Variants in RNF128 observed in about 807,000 individuals in gnomAD.
RNF128 encodes the protein ring finger protein 128, also known as E3 ubiquitin-protein ligase RNF128.
RNF128 carries 13 observed loss-of-function variants against 26.2 expected under a neutral mutation model. That is an observed-to-expected ratio of 0.50 (90% CI 0.32 to 0.79). The LOEUF is 0.79. RNF128 is among the 30% of genes least tolerant of loss of function. The pLI, the probability that RNF128 is intolerant of heterozygous loss-of-function variation, is 0.03. For missense variants in RNF128, 315 were observed against 349.7 expected, an observed-to-expected ratio of 0.90 and a Z score of 0.79; for synonymous variants, 149 against 142.5, an observed-to-expected ratio of 1.05 and a Z score of -0.32.
intron 1 of RNF128, among the ~76,000 whole-genome samples, chrX:106,744,759 GAATA>G (rs748313304): frequency 2.7e-5 from 3 of 111,418 alleles, no homozygotes; most frequent in East Asian, 5.6e-4. Flanking sequence ...AAGCCCAGCC[GAATA>G]AATAAATAAA....
intron 1 of RNF128, among the ~76,000 whole-genome samples, chrX:106,752,730 A>G (rs1279929476): frequency 8.9e-6 from 1 of 111,807 alleles, no homozygotes; most frequent in East Asian, 2.8e-4. Context: ...CCAGTGACCA[A>G]TCCCAGAGTA....
chrX:106,743,154 T>C, intron 1 of RNF128, among the ~76,000 whole-genome samples: 1 of 111,729 alleles, frequency 9.0e-6, no homozygotes, highest in East Asian at 2.8e-4. Flanking sequence ...GAAGATATTT[T>C]CTCTAAAGTT....
chrX:106,736,499 C>A (rs966392659), intron 1 of RNF128, among the ~76,000 whole-genome samples: 2 of 111,457 alleles, frequency 1.8e-5, no homozygotes, highest in Admixed American at 1.9e-4. Flanking sequence ...TTTTGTGCTT[C>A]CTTCTATGTG....
chrX:106,787,703 C>G (rs143699397), intron 3 of RNF128, among the ~76,000 whole-genome samples: 420 of 110,753 alleles, frequency 3.8e-3, no homozygotes, highest in Non-Finnish European at 6.8e-3. Flanking sequence ...TTGTTCTGTT[C>G]CCCTTTTGTT....
intron 1 of RNF128, among the ~76,000 whole-genome samples, chrX:106,713,851 G>C (rs183871253): frequency 9.0e-5 from 10 of 111,040 alleles, no homozygotes; most frequent in Non-Finnish European, 1.5e-4. Flanking sequence ...CAAATTTTCA[G>C]AGGTAACTCT....
chrX:106,727,160 G>A lies in RNF128; in HGVS notation c.247G>A (p.Val83Ile), dbSNP rs757809113. ...CTCGCCGCTGGAGCCTGTGGCTGGG[G>A]TCCTGGTACCGCCCGACGGGCCCGG... is the stretch of plus-strand genomic sequence containing the variant. ...QDSPLEPVAG[V>I]LVPPDGPGAL... Residue 83 changes from valine to isoleucine, a missense_variant, in exon 1 of 7, where the codon GTC (valine) becomes ATC (isoleucine). Physicochemically the swap from Val to Ile is conservative, Grantham distance 29. Coordinates refer to ENST00000255499, the MANE Select transcript of RNF128 (RefSeq NM_194463.2). 1 of 1,210,403 alleles carries A rather than the reference G, an allele frequency of 8.3e-7. No homozygotes were observed.
At chrX:106,707,750 A>G (rs1929067405) in intron 1 of RNF128, among the ~76,000 whole-genome samples, 1 of 110,188 alleles carries the variant, frequency 9.1e-6, no homozygotes, top group African/African-American at 3.3e-5. Flanking sequence ...GCATTCTTTC[A>G]GGTTTTAAAA....
intron 4 of RNF128, among the ~76,000 whole-genome samples, chrX:106,788,432 A>G (rs1345527165): frequency 2.0e-5 from 1 of 49,623 alleles, no homozygotes; most frequent in East Asian, 7.3e-4. Context: ...TATATTATAT[A>G]TAATATTATT....
chrX:106,760,048 C>G (rs2041554718), intron 1 of RNF128, among the ~76,000 whole-genome samples: 1 of 110,695 alleles, frequency 9.0e-6, no homozygotes, highest in African/African-American at 3.3e-5. Context: ...CTCATGTAAC[C>G]TAGAAATATA....
intron 1 of RNF128, among the ~76,000 whole-genome samples, chrX:106,746,864 C>T (rs1266847997): frequency 2.7e-5 from 3 of 111,278 alleles, no homozygotes; most frequent in Non-Finnish European, 5.7e-5. Context: ...AGCCATGTCT[C>T]GTTATTATTA....
At chrX:106,775,098 G>A (rs1231557157) in intron 2 of RNF128, among the ~76,000 whole-genome samples, 1 of 111,993 alleles carries the variant, frequency 8.9e-6, no homozygotes, top group East Asian at 2.8e-4. Flanking sequence ...TTGGTGGCAG[G>A]TTCAGCCTGA....
Position 106,795,837 on chromosome X carries a change from C to G in RNF128, c.*124C>G. ...AGTGATACTGAAAGTGCTCAGATGA[C>G]TAATATTATGCTATAGTTAAATGGC... On this transcript the variant is annotated 3_prime_UTR_variant, in exon 7 of 7. Transcript: ENST00000255499. The G allele has an allele frequency of 5.7e-6, 3 of 522,117 alleles. No individual in the cohort carries two copies. Among genetic ancestry groups the G allele is most frequent in the Non-Finnish European group, 8.7e-6 (3 of 343,300 alleles). 43.0% of individuals were successfully genotyped at this position (522,117 alleles called of 1,213,427 possible).
chrX:106,723,758 T>C (rs941205687), upstream of RNF128, among the ~76,000 whole-genome samples: 1 of 111,004 alleles, frequency 9.0e-6, no homozygotes, highest in African/African-American at 3.3e-5. Flanking sequence ...TGCCTGTGCC[T>C]GAAAATCCTT....
rs1602387592 is a variant in RNF128 at position 106,773,252 on chromosome X, A to C, written c.732+92A>C. The C allele has an allele frequency of 4.6e-6, 4 of 878,184 alleles. No homozygotes were observed. The Admixed American group carries it at 1.2e-4, about 27-fold the overall frequency. The allele number at this position is 878,184 out of a possible 1,213,427, so 72.4% of individuals were successfully genotyped here. A position where few individuals can be genotyped will look rare whatever the true frequency, so the allele number is the denominator to read the frequency against. On this transcript the variant is annotated intron_variant, in intron 2 of 6. Transcript: ENST00000255499. ...TGCATTTTAATACATTGTACTTGCT[A>C]GACAATGATCTCCCCATATGTTTTA...
intron 1 of RNF128, among the ~76,000 whole-genome samples, chrX:106,755,524 TAAC>T (rs912938543): frequency 9.0e-6 from 1 of 110,991 alleles, no homozygotes; most frequent in Admixed American, 9.6e-5. Flanking sequence ...AACCAAATAT[TAAC>T]AAACCAAATT....
intron 1 of RNF128, among the ~76,000 whole-genome samples, chrX:106,703,180 A>G (rs1252564743): frequency 9.0e-6 from 1 of 111,665 alleles, no homozygotes; most frequent in Non-Finnish European, 1.9e-5. Flanking sequence ...TTAATAATTC[A>G]CTTGCTTTCC....
At position 106,795,616 on chromosome X, in the gene RNF128, C is replaced by T. The variant is rs1250559807; in HGVS notation, c.1190C>T (p.Ser397Phe). ...SLQLVNHEAN[S>F]VAVDVIPHVD... ...CAGCTGGTAAACCATGAAGCAAATT[C>T]TGTGGCAGTGGATGTTATTCCTCAT... Residue 397 changes from serine (S) to phenylalanine (F), a missense_variant, in exon 7 of 7, where the codon TCT (serine) becomes TTT (phenylalanine). Physicochemically the swap from Ser to Phe is radical, Grantham distance 155. Transcript: ENST00000255499. 1 of 1,198,716 alleles carries T rather than the reference C, an allele frequency of 8.3e-7. No homozygotes were observed.
intron 1 of RNF128, among the ~76,000 whole-genome samples, chrX:106,760,865 T>G (rs752269360): frequency 1.5e-4 from 17 of 111,401 alleles, no homozygotes; most frequent in Non-Finnish European, 2.5e-4. Flanking sequence ...CTGGAGGAAA[T>G]TAAGTGCCAA....
intron 1 of RNF128, among the ~76,000 whole-genome samples, chrX:106,769,649 T>C (rs1930334053): frequency 9.6e-6 from 1 of 104,142 alleles, no homozygotes; most frequent in South Asian, 5.0e-4. Flanking sequence ...GTCTCCTGAA[T>C]ACAGCACACT....
Sources: allele counts gnomAD v4.1 joint callset (sites outside exome capture counted in the v4.1 genomes callset), GRCh38; gene constraint gnomAD v4.1.1; transcripts MANE v1.5; gene names NCBI Gene and HGNC (gene_info 2026-07-23, HGNC 2026-07-21).